The following TRHDE variants were observed in gnomAD, a reference collection of about 807,000 sequenced individuals.
The protein encoded by TRHDE is thyrotropin releasing hormone degrading enzyme, also known as thyrotropin-releasing hormone-degrading ectoenzyme.
TRHDE carries 72 observed loss-of-function variants against 125.7 expected under a neutral mutation model. The ratio of observed to expected loss-of-function variants is 0.57; its 90% CI spans 0.47 to 0.70. The LOEUF is 0.70. TRHDE is among the 30% of genes least tolerant of loss of function. The probability of loss-of-function intolerance (pLI) is 0.00; values close to 1 mark genes in which losing one functional copy is unlikely to be tolerated. For missense variants in TRHDE, 1,110 were observed against 1,327.1 expected (o/e 0.84, Z 2.54); for synonymous variants, 509 against 509.1 (o/e 1.00, Z 0.00).
intron 3 of TRHDE, among the ~76,000 whole-genome samples, chr12:72,419,569 A>G (rs1873868587): frequency 6.6e-6 from 1 of 152,170 alleles, no homozygotes; most frequent in Non-Finnish European, 1.5e-5. Context: ...GCCAGACCTC[A>G]TGAAAAATCA....
chr12:72,119,311 C>A (rs1875522235), intron 2 of TRHDE, among the ~76,000 whole-genome samples: 1 of 152,120 alleles, frequency 6.6e-6, no homozygotes, highest in Non-Finnish European at 1.5e-5. Flanking sequence ...CACTCAGGAG[C>A]ATATTATTTA....
chr12:72,462,942 A>G (rs1876195845), intron 3 of TRHDE, among the ~76,000 whole-genome samples: 1 of 152,206 alleles, frequency 6.6e-6, no homozygotes, highest in Middle Eastern at 3.2e-3. Flanking sequence ...AACAAACTTT[A>G]CTGAGTGAGT....
chr12:72,402,643 A>G (rs1350613497), intron 3 of TRHDE, among the ~76,000 whole-genome samples: 2 of 152,190 alleles, frequency 1.3e-5, no homozygotes, highest in Non-Finnish European at 2.9e-5. Context: ...ACTATTTCCA[A>G]GTAAGGTCAC....
At chr12:72,475,185 G>A (rs1028857529) in intron 5 of TRHDE, among the ~76,000 whole-genome samples, 1 of 152,062 alleles carries the variant, frequency 6.6e-6, no homozygotes, top group Non-Finnish European at 1.5e-5. Flanking sequence ...AAATGTAAAT[G>A]TTTACGGTAA....
At chr12:72,414,822 C>G (rs957338938) in intron 3 of TRHDE, among the ~76,000 whole-genome samples, 4 of 152,084 alleles carry the variant, frequency 2.6e-5, no homozygotes, top group African/African-American at 9.7e-5. Flanking sequence ...TCTTTACATA[C>G]ATTAAACCAT....
chr12:72,525,808 A>G (rs1269013782), intron 6 of TRHDE, among the ~76,000 whole-genome samples: 1 of 152,114 alleles, frequency 6.6e-6, no homozygotes, highest in Non-Finnish European at 1.5e-5. Context: ...TTAATACAAA[A>G]AGAAAATATA....
chr12:72,519,383 G>A (rs1037738122), intron 6 of TRHDE, among the ~76,000 whole-genome samples: 1 of 151,706 alleles, frequency 6.6e-6, no homozygotes, highest in African/African-American at 2.4e-5. Flanking sequence ...TTCTCACTTC[G>A]TTTCATTCAT....
At chr12:72,183,415 A>C (rs181458783) in intron 2 of TRHDE, among the ~76,000 whole-genome samples, 3 of 152,220 alleles carry the variant, frequency 2.0e-5, no homozygotes, top group African/African-American at 7.2e-5. Context: ...TCATGTGTGG[A>C]GAATTATTAA....
intron 3 of TRHDE, among the ~76,000 whole-genome samples, chr12:72,408,620 A>G (rs1873365396): frequency 6.6e-6 from 1 of 152,198 alleles, no homozygotes; most frequent in African/African-American, 2.4e-5. Flanking sequence ...TATAGCCACA[A>G]GTTATAAAGT....
intron 3 of TRHDE, among the ~76,000 whole-genome samples, chr12:72,411,883 A>G (rs1592425867): frequency 6.6e-6 from 1 of 152,194 alleles, no homozygotes; most frequent in South Asian, 2.1e-4. Flanking sequence ...GTGGAAAAAG[A>G]CAAACTTTTT....
intron 3 of TRHDE, among the ~76,000 whole-genome samples, chr12:72,381,243 C>T (rs1872161854): frequency 6.6e-6 from 1 of 152,028 alleles, no homozygotes; most frequent in Admixed American, 6.6e-5. Flanking sequence ...TTGAAAGAAC[C>T]TGATGTAAGA....
chr12:72,267,858 T>C (rs929622173), upstream of TRHDE, among the ~76,000 whole-genome samples: 8 of 152,050 alleles, frequency 5.3e-5, no homozygotes, highest in African/African-American at 1.9e-4. Context: ...TCGTGAAATT[T>C]CACCATCTCA....
intron 2 of TRHDE, among the ~76,000 whole-genome samples, chr12:72,247,393 T>G (rs1038919021): frequency 8.5e-5 from 13 of 152,158 alleles, no homozygotes; most frequent in African/African-American, 3.1e-4. Flanking sequence ...TTTGACATCA[T>G]AGATTCCCTG....
At chr12:72,361,536 T>A (rs1871080698) in intron 2 of TRHDE, among the ~76,000 whole-genome samples, 1 of 151,052 alleles carries the variant, frequency 6.6e-6, no homozygotes, top group Non-Finnish European at 1.5e-5. Context: ...TCTATATGAG[T>A]AGGTGTTTTA....
chr12:72,668,512 T>C lies in TRHDE; in HGVS notation c.*5317T>C, dbSNP rs913750861. 1.3e-5 allele frequency: 2 copies of C among 151,838 alleles called. No individual in the cohort carries two copies. The highest frequency in any genetic ancestry group is 2.9e-5 in the Non-Finnish European group (2 of 67,816). The allele number at this position is 151,838 out of a possible 1,614,324, so 9.4% of individuals were successfully genotyped here. A position where few individuals can be genotyped will look rare whatever the true frequency, so the allele number is the denominator to read the frequency against. On this transcript the variant is annotated 3_prime_UTR_variant, in exon 19 of 19. Coordinates refer to ENST00000261180, the MANE Select transcript of TRHDE (RefSeq NM_013381.3). ...AAGATGTTTATCTTTTGTACATTCC[T>C]AGTTCATTTATTAATGTACTAAGAA... is the stretch of plus-strand genomic sequence containing the variant.
At position 72,618,832 on chromosome 12, in the gene TRHDE, C is replaced by T. The variant is rs567244017; in HGVS notation, c.2322-59C>T. 73 of 1,365,418 alleles carry T rather than the reference C, an allele frequency of 5.3e-5. No individual in the cohort carries two copies. In the African/African-American group the frequency reaches 6.5e-4, roughly 12 times the overall value. The allele number at this position is 1,365,418 out of a possible 1,614,324, so 84.6% of individuals were successfully genotyped here. ...ATTTTGCTTTTCCGTCTTTTATTTGCGTAAGTAAAAATCTTCGTTTGTGCA... is the reference window on the plus strand; with the variant it reads ...ATTTTGCTTTTCCGTCTTTTATTTGTGTAAGTAAAAATCTTCGTTTGTGCA... On this transcript the variant is annotated intron_variant, in intron 12 of 18. Coordinates refer to ENST00000261180, the MANE Select transcript of TRHDE (RefSeq NM_013381.3).
intron 2 of TRHDE, among the ~76,000 whole-genome samples, chr12:72,170,149 A>T (rs1876838592): frequency 6.6e-6 from 1 of 152,196 alleles, no homozygotes; most frequent in African/African-American, 2.4e-5. Context: ...AGGCTAGTAT[A>T]GCCCATTTAA....
intron 2 of TRHDE, among the ~76,000 whole-genome samples, chr12:72,144,653 T>C (rs1180497327): frequency 6.6e-6 from 1 of 152,208 alleles, no homozygotes; most frequent in Non-Finnish European, 1.5e-5. Context: ...ATCTTCCTTG[T>C]TCCAAATTGA....
rs1377749847 is a variant in TRHDE, at chr12:72,646,439, C to A, written c.2676-5883C>A. ...AGAAAAAGACAGGAAAAAAATGAGACCAATGGAAAACAATTTTGTTAAAAT... is the reference window on the plus strand; with the variant it reads ...AGAAAAAGACAGGAAAAAAATGAGAACAATGGAAAACAATTTTGTTAAAAT... On this transcript the variant is annotated intron_variant, in intron 15 of 18. Coordinates refer to ENST00000261180, the MANE Select transcript of TRHDE (RefSeq NM_013381.3). 4.6e-5 allele frequency among the ~76,000 whole-genome samples: 7 copies of A among 151,756 alleles called. No individual in the cohort carries two copies. In the East Asian group the frequency reaches 7.7e-4, roughly 17 times the overall value.
Sources: gnomAD v4.1 joint callset for allele counts (sites outside exome capture counted in the v4.1 genomes callset) on GRCh38, gnomAD v4.1.1 for gene constraint, MANE v1.5 for transcripts, NCBI Gene and HGNC (gene_info 2026-07-23, HGNC 2026-07-21) for gene names.